ARID2: variants seen among roughly 807,000 people sequenced by gnomAD.
ARID2 encodes AT-rich interaction domain 2.
A neutral mutation model predicts 184.6 loss-of-function variants in ARID2; 32 were observed. That is an observed-to-expected ratio of 0.17 (90% CI 0.13 to 0.23). The LOEUF is 0.23. Among genes scored for constraint, ARID2 ranks in the 10% least tolerant of loss-of-function variants. ARID2 has a pLI of 1.00. For missense variants in ARID2, 1,696 were observed against 2,197.6 expected (o/e 0.77, Z 4.56); for synonymous variants, 836 against 772.6 (o/e 1.08, Z -1.36).
chr12:45,802,281 G>C (rs892977717), intron 3 of ARID2, among the ~76,000 whole-genome samples: 1 of 152,004 alleles, frequency 6.6e-6, no homozygotes, highest in Non-Finnish European at 1.5e-5. Flanking sequence ...TGCCCAGGCT[G>C]GTCTCAAAAC....
In ARID2 at chr12:45,847,916, G is replaced by T. The variant is rs541693173; in HGVS notation, c.1581-920G>T. Reference sequence around the variant, plus strand: ...GGAAATGTTGTTTGTCTTCTACATTGCAACCAAAATGAAGTTTTTATATCT... The same window carrying T: ...GGAAATGTTGTTTGTCTTCTACATTTCAACCAAAATGAAGTTTTTATATCT... On this transcript the variant is annotated intron_variant, in intron 12 of 20. Transcript: ENST00000334344. Among the ~76,000 whole-genome samples the T allele has an allele frequency of 2.6e-5, 4 of 151,956 alleles. No individual in the cohort carries two copies. In the South Asian group the frequency reaches 8.3e-4, roughly 32 times the overall value.
chr12:45,763,850 G>GT (rs1941723738), intron 3 of ARID2, among the ~76,000 whole-genome samples: 1 of 151,980 alleles, frequency 6.6e-6, no homozygotes, highest in Non-Finnish European at 1.5e-5. Context: ...ATCGTTAATG[G>GT]TTTTTGTTTG....
Position 45,747,021 on chromosome 12 carries a change from A to G in ARID2, c.284+15707A>G, listed in dbSNP as rs557612111. Among the ~76,000 whole-genome samples, 62 of 152,232 alleles carry G rather than the reference A, an allele frequency of 4.1e-4. 1 individual carries two copies. The South Asian group carries it at 0.012, about 29-fold the overall frequency. On this transcript the variant is annotated intron_variant, in intron 3 of 20. Coordinates refer to ENST00000334344, the MANE Select transcript of ARID2 (RefSeq NM_152641.4). ...CCTGACCTTGTGATCCGCCCGCCTC[A>G]GCCTCCCAAAGTGTTGGGATTACAG...
intron 3 of ARID2, among the ~76,000 whole-genome samples, chr12:45,738,856 C>T (rs1444961867): frequency 7.2e-6 from 1 of 138,270 alleles, no homozygotes; most frequent in Non-Finnish European, 1.5e-5. Context: ...AAGTGTCAGC[C>T]ACAGTTGCTA....
At chr12:45,823,115 G>C (rs1221672928) in intron 6 of ARID2, among the ~76,000 whole-genome samples, 1 of 152,052 alleles carries the variant, frequency 6.6e-6, no homozygotes, top group Non-Finnish European at 1.5e-5. Context: ...ATAGTATCAA[G>C]TGTCTTCTTA....
At chr12:45,839,134 G>A (rs1166322833) in intron 10 of ARID2, among the ~76,000 whole-genome samples, 195 bp from the exon 11 acceptor site, 1 of 151,878 alleles carries the variant, frequency 6.6e-6, no homozygotes. Context: ...AAAGTGCTGG[G>A]ATTACAGGTG....
At chr12:45,832,673 TC>T (rs1262990358) in intron 6 of ARID2, among the ~76,000 whole-genome samples, 1 of 152,122 alleles carries the variant, frequency 6.6e-6, no homozygotes, top group Non-Finnish European at 1.5e-5. Flanking sequence ...ACATTTACAG[TC>T]TGGTCTCTGA....
chr12:45,773,342 A>G (rs1410840446), intron 3 of ARID2, among the ~76,000 whole-genome samples: 1 of 152,108 alleles, frequency 6.6e-6, no homozygotes, highest in Non-Finnish European at 1.5e-5. Context: ...AGACACTGAA[A>G]AAAGAGCAAA....
rs572342085 is a variant in ARID2 at position 45,832,611 on chromosome 12, G to A, written c.706-3978G>A. Among the ~76,000 whole-genome samples, 139 of 152,094 alleles carry A rather than the reference G, an allele frequency of 9.1e-4. 2 individuals are homozygous for A. The highest frequency in any genetic ancestry group is 3.2e-3 in the African/African-American group (133 of 41,494). ...CCTGCCTCAGCCTCCCAAGTAGCTG[G>A]GACTATAGGCATCCACCACCACACC... On this transcript the variant is annotated intron_variant, in intron 6 of 20. Transcript: ENST00000334344.
At chr12:45,806,225 G>A (rs558575363) in intron 3 of ARID2, among the ~76,000 whole-genome samples, 25 of 151,844 alleles carry the variant, frequency 1.6e-4, no homozygotes, top group African/African-American at 5.6e-4. Context: ...TGGTGGGGGC[G>A]AGATGGTGGT....
chr12:45,885,025 G>A (rs577080964), intron 16 of ARID2, among the ~76,000 whole-genome samples: 207 of 151,876 alleles, frequency 1.4e-3, no homozygotes, highest in Non-Finnish European at 2.6e-3. Flanking sequence ...GTTTCATCAT[G>A]TATTAAGGAA....
At chr12:45,778,124 T>G (rs974105164) in intron 3 of ARID2, among the ~76,000 whole-genome samples, 3 of 152,080 alleles carry the variant, frequency 2.0e-5, no homozygotes, top group Non-Finnish European at 4.4e-5. Context: ...GTGGAATCGC[T>G]TGAACCCGGG....
At chr12:45,849,185 G>T (rs767074617) in intron 13 of ARID2, among the ~76,000 whole-genome samples, 7 of 152,020 alleles carry the variant, frequency 4.6e-5, no homozygotes, top group Non-Finnish European at 1.0e-4. Flanking sequence ...ATTTATCAAA[G>T]AAATGAAGTT....
chr12:45,763,716 C>G (rs1404068288), intron 3 of ARID2, among the ~76,000 whole-genome samples: 1 of 152,068 alleles, frequency 6.6e-6, no homozygotes, highest in Non-Finnish European at 1.5e-5. Context: ...GTTTTCAGCT[C>G]CTGGCCTCAA....
chr12:45,819,656 A>G (rs528144200), intron 5 of ARID2, among the ~76,000 whole-genome samples: 155 of 152,180 alleles, frequency 1.0e-3, no homozygotes, highest in African/African-American at 3.3e-3. Flanking sequence ...CTATGTGACA[A>G]GAAATTTCAT....
chr12:45,734,592 A>G (rs962997905), intron 3 of ARID2, among the ~76,000 whole-genome samples: 1 of 152,016 alleles, frequency 6.6e-6, no homozygotes, highest in African/African-American at 2.4e-5. Flanking sequence ...AAAAAATTAA[A>G]TGGCTTAGGG....
intron 3 of ARID2, among the ~76,000 whole-genome samples, chr12:45,742,882 C>G (rs1484496580): frequency 6.6e-6 from 1 of 152,132 alleles, no homozygotes; most frequent in East Asian, 1.9e-4. Context: ...TTGCCAGATT[C>G]CCTTTGTAGG....
intron 3 of ARID2, among the ~76,000 whole-genome samples, chr12:45,757,395 CT>C (rs1941590246): frequency 6.6e-6 from 1 of 152,194 alleles, no homozygotes; most frequent in Admixed American, 6.5e-5. Context: ...TCACCAGCCC[CT>C]AGCATACGTA....
intron 12 of ARID2, 111 bp downstream of exon 12, chr12:45,847,048 G>T: frequency 1.1e-6 from 1 of 883,136 alleles, no homozygotes. Flanking sequence ...TTCCTTTTTA[G>T]TTAGAGTAGA....
Sources: allele counts gnomAD v4.1 joint callset (sites outside exome capture counted in the v4.1 genomes callset), GRCh38; gene constraint gnomAD v4.1.1; transcripts MANE v1.5; gene names NCBI Gene and HGNC (gene_info 2026-07-23, HGNC 2026-07-21).